NT5DC3: variants seen among roughly 807,000 people sequenced by gnomAD.
NT5DC3 encodes the protein 5'-nucleotidase domain-containing protein 3.
A neutral mutation model predicts 67.8 loss-of-function variants in NT5DC3; 42 were observed. The observed-to-expected ratio is 0.62, with a 90% CI of 0.48 to 0.80. The LOEUF (loss-of-function observed/expected upper bound fraction) is 0.80. NT5DC3 is among the 30% of genes least tolerant of loss of function. The probability of loss-of-function intolerance (pLI) is 0.00; values close to 1 mark genes in which losing one functional copy is unlikely to be tolerated. For synonymous variants in NT5DC3, 237 were observed against 255.6 expected (o/e 0.93, Z 0.69); for missense variants, 570 against 696.4 (o/e 0.82, Z 2.04).
intron 2 of NT5DC3, among the ~76,000 whole-genome samples, chr12:103,812,078 A>T (rs1887057027): frequency 6.6e-6 from 1 of 152,078 alleles, no homozygotes; most frequent in Non-Finnish European, 1.5e-5. Context: ...CAAAATATAG[A>T]CAGTTATTAC....
chr12:103,750,486 C>T, the NT5DC3 span: 3 of 1,526,134 alleles, frequency 2.0e-6, no homozygotes, highest in South Asian at 1.2e-5. Context: ...CATCTGAACA[C>T]CTCCTAGGCT....
chr12:103,831,770 CTTTTTTTT>C (rs568035358), intron 1 of NT5DC3, among the ~76,000 whole-genome samples: 2 of 109,652 alleles, frequency 1.8e-5, no homozygotes, highest in African/African-American at 7.2e-5. Context: ...TCAGCATCCT[CTTTTTTTT>C]TTTTTTTTTT....
At chr12:103,791,655 G>A (rs937157859) in intron 9 of NT5DC3, among the ~76,000 whole-genome samples, 11 of 152,120 alleles carry the variant, frequency 7.2e-5, no homozygotes, top group African/African-American at 1.9e-4. Flanking sequence ...CCTGGGCCGC[G>A]GACCACAGAC....
chr12:103,789,443 A>T (rs1258290908), intron 9 of NT5DC3, among the ~76,000 whole-genome samples: 1 of 151,684 alleles, frequency 6.6e-6, no homozygotes, highest in Non-Finnish European at 1.5e-5. Context: ...AAACAAAAAC[A>T]AACAAAAAAA....
chr12:103,819,264 G>A lies in NT5DC3; in HGVS notation c.209-4143C>T, dbSNP rs76169509. On this transcript the variant is annotated intron_variant, in intron 1 of 13. Transcript: ENST00000392876. The stretch of plus-strand genomic sequence containing the variant: ...CATCTTAAAGGGATCTTGGCACCCC[G>A]TGCAAACTTTAGGAAGAAAAGTTAA... Among the ~76,000 whole-genome samples the A allele has an allele frequency of 4.6e-3, 703 of 152,288 alleles. 6 individuals are homozygous for A. The highest frequency in any genetic ancestry group is 0.016 in the African/African-American group (670 of 41,562).
At chr12:103,815,352 G>A (rs1259607563) in intron 1 of NT5DC3, among the ~76,000 whole-genome samples, 1 of 152,154 alleles carries the variant, frequency 6.6e-6, no homozygotes, top group Non-Finnish European at 1.5e-5. Flanking sequence ...TGGTTGCCTA[G>A]GACCGCTCAC....
rs967579255 is a variant in NT5DC3 at position 103,775,469 on chromosome 12, T to C, written c.*2360A>G. The stretch of plus-strand genomic sequence containing the variant: ...ATCTGATTAGATAAAAACCAAGAAT[T>C]ATTTTTAAGCAACACCTACTTCCTG... On this transcript the variant is annotated 3_prime_UTR_variant, in exon 14 of 14. Transcript: ENST00000392876. 3.3e-5 allele frequency: 5 copies of C among 152,162 alleles called. No homozygotes were observed. Among genetic ancestry groups the C allele is most frequent in the African/African-American group, 1.2e-4 (5 of 41,448 alleles). 9.4% of individuals were successfully genotyped at this position (152,162 alleles called of 1,614,324 possible).
chr12:103,793,066 C>T (rs1244994452), intron 9 of NT5DC3, 98 bp downstream of exon 9: 8 of 837,142 alleles, frequency 9.6e-6, no homozygotes, highest in Non-Finnish European at 1.6e-5. Flanking sequence ...ATCTCACATG[C>T]TTATGATTTT....
At chr12:103,758,029 A>G in the NT5DC3 span, 1 of 1,252,434 alleles carries the variant, frequency 8.0e-7, no homozygotes, top group South Asian at 1.4e-5. Context: ...CGCAGGCAGA[A>G]GACACAGCAA....
chr12:103,778,808 A>AAAAAG (rs149310346), intron 13 of NT5DC3, among the ~76,000 whole-genome samples: 19 of 152,252 alleles, frequency 1.2e-4, no homozygotes, highest in Middle Eastern at 3.4e-3. Context: ...CCTATCTCAA[A>AAAAAG]AAAAGAAAAG....
At chr12:103,834,088 G>A (rs899052498) in intron 1 of NT5DC3, among the ~76,000 whole-genome samples, 65 of 151,988 alleles carry the variant, frequency 4.3e-4, no homozygotes, top group African/African-American at 1.5e-3. Context: ...CTAGAGGCCA[G>A]CAGCACCCCT....
At chr12:103,803,736 T>C (rs1189731881) in intron 4 of NT5DC3, among the ~76,000 whole-genome samples, 1 of 152,178 alleles carries the variant, frequency 6.6e-6, no homozygotes, top group Non-Finnish European at 1.5e-5. Flanking sequence ...TTTGGCTTCC[T>C]GTTCCTGCGT....
intron 11 of NT5DC3, among the ~76,000 whole-genome samples, chr12:103,786,594 A>G (rs1298765152): frequency 6.6e-6 from 1 of 152,060 alleles, no homozygotes; most frequent in Non-Finnish European, 1.5e-5. Context: ...TTAAAGGTTC[A>G]GTCTGGCTAC....
At chr12:103,828,696 CTTTTTATTTT>C (rs1238656394) in intron 1 of NT5DC3, among the ~76,000 whole-genome samples, 4 of 136,322 alleles carry the variant, frequency 2.9e-5, no homozygotes, top group South Asian at 2.4e-4. Flanking sequence ...TTTTTTCTTT[CTTTTTATTTT>C]TTTTTTTTGG....
the NT5DC3 span, chr12:103,759,195 C>T: frequency 4.3e-6 from 7 of 1,614,058 alleles, no homozygotes; most frequent in South Asian, 7.7e-5. Context: ...TCTACAATGA[C>T]CTTGTCAATG....
At chr12:103,835,736 G>C (rs1383255730) in intron 1 of NT5DC3, among the ~76,000 whole-genome samples, 1 of 152,240 alleles carries the variant, frequency 6.6e-6, no homozygotes, top group Non-Finnish European at 1.5e-5. Context: ...CAAGGTCAGA[G>C]AGGAAAGTAA....
At chr12:103,815,680 C>A (rs946187337) in intron 1 of NT5DC3, among the ~76,000 whole-genome samples, 1 of 152,104 alleles carries the variant, frequency 6.6e-6, no homozygotes, top group Non-Finnish European at 1.5e-5. Flanking sequence ...CCTCAGCCTC[C>A]CAAAGTACTG....
At chr12:103,831,330 T>C (rs1443375355) in intron 1 of NT5DC3, among the ~76,000 whole-genome samples, 1 of 152,096 alleles carries the variant, frequency 6.6e-6, no homozygotes, top group South Asian at 2.1e-4. Flanking sequence ...TCCCAAGGCC[T>C]CCCCAGCCAT....
At chr12:103,794,480 T>C (rs1411865846) in intron 6 of NT5DC3, among the ~76,000 whole-genome samples, 2 of 152,202 alleles carry the variant, frequency 1.3e-5, no homozygotes, top group African/African-American at 2.4e-5. Context: ...GGCAGCCCCT[T>C]GTGAAAGCCA....
Sources: allele counts gnomAD v4.1 joint callset (sites outside exome capture counted in the v4.1 genomes callset), GRCh38; gene constraint gnomAD v4.1.1; transcripts MANE v1.5; gene names NCBI Gene and HGNC (gene_info 2026-07-23, HGNC 2026-07-21).